CNOT6: variants seen among roughly 807,000 people sequenced by gnomAD.
The protein encoded by CNOT6 is carbon catabolite repression 4 protein.
CNOT6 carries 12 observed loss-of-function variants against 61.2 expected under a neutral mutation model. That is an observed-to-expected ratio of 0.20 (90% confidence interval 0.13 to 0.32). The LOEUF (loss-of-function observed/expected upper bound fraction) is 0.32. Ranked by LOEUF, CNOT6 falls within the 10% of genes least tolerant of loss-of-function variation. The probability of loss-of-function intolerance (pLI) is 1.00; values close to 1 mark genes in which losing one functional copy is unlikely to be tolerated. For missense variants in CNOT6, 405 were observed against 663.9 expected (o/e 0.61, Z 4.28); for synonymous variants, 225 against 240.6 (o/e 0.94, Z 0.60).
At chr5:180,537,497 G>A (rs1321169840) in intron 2 of CNOT6, among the ~76,000 whole-genome samples, 1 of 151,936 alleles carries the variant, frequency 6.6e-6, no homozygotes, top group Non-Finnish European at 1.5e-5. Flanking sequence ...TCAGTTTTAA[G>A]AGTTTTTTTT....
chr5:180,509,796 G>A (rs1757296796), intron 1 of CNOT6, among the ~76,000 whole-genome samples: 2 of 149,614 alleles, frequency 1.3e-5, no homozygotes, highest in Admixed American at 6.7e-5. Flanking sequence ...TCCTCCTACC[G>A]TGGCCTAGTA....
chr5:180,497,571 T>C lies in CNOT6; in HGVS notation c.-3+2808T>C, dbSNP rs1189292524. 4.6e-5 allele frequency among the ~76,000 whole-genome samples: 7 copies of C among 152,254 alleles called. No individual in the cohort carries two copies. In the Middle Eastern group the frequency reaches 0.01, roughly 222 times the overall value. On this transcript the variant is annotated intron_variant, in intron 1 of 11. Coordinates refer to ENST00000261951, the MANE Select transcript of CNOT6 (RefSeq NM_001370472.1). ...ATTCCCATATGCAAGGTCCACTGGC[T>C]TGGGAAGCTCTGCTTGAAAGCATTT...
intron 3 of CNOT6, among the ~76,000 whole-genome samples, chr5:180,550,323 C>T (rs1759533254): frequency 6.6e-6 from 1 of 151,978 alleles, no homozygotes; most frequent in Admixed American, 6.6e-5. Context: ...TGGTGGCGGG[C>T]ACCTGTAGTC....
At position 180,561,276 on chromosome 5, in the gene CNOT6, T is replaced by G. The variant is rs56774872; in HGVS notation, c.386-3213T>G. 3.7e-3 allele frequency among the ~76,000 whole-genome samples: 559 copies of G among 152,302 alleles called. 3 individuals carry two copies. Among genetic ancestry groups the G allele is most frequent in the African/African-American group, 0.012 (503 of 41,564 alleles). ...CTTCATTTATTTTATTTTTCAGTTCTAATATTCCCATTTGGTTTTAAATGT... is the reference window on the plus strand; with the variant it reads ...CTTCATTTATTTTATTTTTCAGTTCGAATATTCCCATTTGGTTTTAAATGT... On this transcript the variant is annotated intron_variant, in intron 4 of 11. Transcript: ENST00000261951.
rs984550622 is a variant in CNOT6 at position 180,578,323 on chromosome 5, A to G, written c.*4123A>G. On this transcript the variant is annotated 3_prime_UTR_variant, in exon 12 of 12. Coordinates refer to ENST00000261951, the MANE Select transcript of CNOT6 (RefSeq NM_001370472.1). ...TTCCGTCTTTTGGAAGGAGGTTGACATATTTTAAATAAATGCTTTTAAATA... is the reference window on the plus strand; with the variant it reads ...TTCCGTCTTTTGGAAGGAGGTTGACGTATTTTAAATAAATGCTTTTAAATA... The G allele has an allele frequency of 6.6e-6, 1 of 152,638 alleles. No individual in the cohort carries two copies. The highest frequency in any genetic ancestry group is 2.4e-5 in the African/African-American group (1 of 41,444). The allele number at this position is 152,638 out of a possible 1,614,324, so 9.5% of individuals were successfully genotyped here.
Position 180,567,837 on chromosome 5 carries a change from T to C in CNOT6, c.873-12T>C, listed in dbSNP as rs933216687. 6.2e-7 allele frequency: 1 copy of C among 1,614,040 alleles called. No homozygotes were observed. Among genetic ancestry groups the C allele is most frequent in the Non-Finnish European group, 8.5e-7 (1 of 1,179,982 alleles). On this transcript the variant is annotated splice_polypyrimidine_tract_variant and intron_variant, in intron 8 of 11. Coordinates refer to ENST00000261951, the MANE Select transcript of CNOT6 (RefSeq NM_001370472.1). ...ACTCTGTGTGTGTGTGTGTGTGTTG[T>C]TTTTGTTTTAGATTTACTTTGGTTC...
At chr5:180,566,640 CTTTTTTTTT>C (rs70973940) in intron 7 of CNOT6, among the ~76,000 whole-genome samples, 44 of 75,592 alleles carry the variant, frequency 5.8e-4, no homozygotes, top group South Asian at 1.3e-3. Context: ...AAAGATGTTA[CTTTTTTTTT>C]TTTTTTTTTT....
intron 2 of CNOT6, among the ~76,000 whole-genome samples, chr5:180,538,685 GGTATATATATAT>G (rs70973931): frequency 0.47 from 39,752 of 84,150 alleles, 6,127 homozygotes; most frequent in Middle Eastern, 0.61. Context: ...CTGAGAAAAA[GGTATATATATAT>G]ATATATATAT....
chr5:180,550,009 C>T lies in CNOT6; in HGVS notation c.191C>T (p.Ser64Phe), dbSNP rs1396496200. ...TALHLSDNSL[S>F]RIPSDIAKLH... is the part of the protein sequence containing the mutation. ...TTGCATTTGAGTGACAATTCCCTGT[C>T]CCGAATTCCTTCAGACATTGCCAAG... The change falls in exon 3 of 12, where the codon TCC becomes TTC. Residue 64 changes from serine (S) to phenylalanine (F), a missense_variant. Physicochemically the swap from Ser to Phe is radical, Grantham distance 155. Around this residue, in one of 5 missense-constraint regions of CNOT6, gnomAD observed 212 missense variants for 307.1 expected, o/e 0.69. Transcript: ENST00000261951. 1 of 1,614,074 alleles carries T rather than the reference C, an allele frequency of 6.2e-7. No individual in the cohort carries two copies. Among genetic ancestry groups the T allele is most frequent in the Non-Finnish European group, 8.5e-7 (1 of 1,179,924 alleles).
intron 6 of CNOT6, among the ~76,000 whole-genome samples, chr5:180,565,015 C>T (rs1325845123): frequency 1.3e-5 from 2 of 152,182 alleles, no homozygotes; most frequent in Admixed American, 6.5e-5. Flanking sequence ...TTTTGATGGT[C>T]GTAACTGGGG....
In CNOT6 at chr5:180,574,425, C is replaced by G. The variant is rs1450140404; in HGVS notation, c.*225C>G. 1.8e-6 allele frequency: 1 copy of G among 569,964 alleles called. No homozygotes were observed. Among genetic ancestry groups the G allele is most frequent in the Non-Finnish European group, 3.1e-6 (1 of 319,368 alleles). 35.3% of individuals were successfully genotyped at this position (569,964 alleles called of 1,614,324 possible). ...CTAGACAGGGATTGGTGTGTTTGCA[C>G]CTGTCTTTCATTTGTCATAAGAGAT... On this transcript the variant is annotated 3_prime_UTR_variant, in exon 12 of 12. Coordinates refer to ENST00000261951, the MANE Select transcript of CNOT6 (RefSeq NM_001370472.1).
chr5:180,520,026 G>A (rs1454864125), intron 1 of CNOT6, among the ~76,000 whole-genome samples: 1 of 151,828 alleles, frequency 6.6e-6, no homozygotes. Context: ...TAGAGACAAG[G>A]TTTCACCATG....
intron 1 of CNOT6, among the ~76,000 whole-genome samples, chr5:180,496,708 G>A (rs1756629291): frequency 6.6e-6 from 1 of 152,178 alleles, no homozygotes; most frequent in South Asian, 2.1e-4. Flanking sequence ...TCACAACGTA[G>A]TGAGACCTTG....
chr5:180,561,385 T>TGTGC (rs1760179747), intron 4 of CNOT6, among the ~76,000 whole-genome samples: 2 of 151,922 alleles, frequency 1.3e-5, no homozygotes, highest in Non-Finnish European at 2.9e-5. Flanking sequence ...TGTGTGTGTG[T>TGTGC]GTGTGTGTTT....
chr5:180,520,096 C>T (rs1051340809), intron 1 of CNOT6, among the ~76,000 whole-genome samples: 7 of 152,032 alleles, frequency 4.6e-5, no homozygotes, highest in East Asian at 1.9e-4. Flanking sequence ...TGCCTGCCAA[C>T]GTGCTGGGAT....
intron 2 of CNOT6, among the ~76,000 whole-genome samples, chr5:180,543,744 A>T (rs927765847): frequency 3.3e-5 from 5 of 151,994 alleles, no homozygotes; most frequent in African/African-American, 9.7e-5. Flanking sequence ...TCAATATTGG[A>T]TATTAGTCTT....
At chr5:180,520,279 T>A (rs1757824050) in intron 1 of CNOT6, among the ~76,000 whole-genome samples, 1 of 152,168 alleles carries the variant, frequency 6.6e-6, no homozygotes. Flanking sequence ...AGTTTTTAGA[T>A]GAACATCTGG....
In CNOT6 at chr5:180,541,440, A is replaced by ATTTTTTTTTTTTTTTTTTTTTTTTTTT. The variant is rs1176286473; in HGVS notation, c.113-8491_113-8490insTTTTTTTTTTTTTTTTTTTTTTTTTTT. Among the ~76,000 whole-genome samples the ATTTTTTTTTTTTTTTTTTTTTTTTTTT allele has an allele frequency of 3.9e-5, 4 of 102,928 alleles. 1 individual carries two copies. The highest frequency in any genetic ancestry group is 2.0e-5 in the Non-Finnish European group (1 of 50,970). The allele number at this position is 102,928 out of a possible 152,430, so 67.5% of individuals were successfully genotyped here. A position where few individuals can be genotyped will look rare whatever the true frequency, so the allele number is the denominator to read the frequency against. ...CATGAACCACCACAACTGGCCAAGA[A>ATTTTTTTTTTTTTTTTTTTTTTTTTTT]ATTTTTTTTTTTTTTTTTTTTTTTT... On this transcript the variant is annotated intron_variant, in intron 2 of 11. Coordinates refer to ENST00000261951, the MANE Select transcript of CNOT6 (RefSeq NM_001370472.1).
intron 1 of CNOT6, among the ~76,000 whole-genome samples, chr5:180,505,449 G>A (rs960864121): frequency 6.7e-6 from 1 of 148,890 alleles, no homozygotes; most frequent in Non-Finnish European, 1.5e-5. Context: ...AGTAGAGACG[G>A]GGTTTCACTG....
Sources: allele counts gnomAD v4.1 joint callset (sites outside exome capture counted in the v4.1 genomes callset), GRCh38; gene constraint gnomAD v4.1.1; regional missense constraint gnomAD v4.1.1; transcripts MANE v1.5; gene names NCBI Gene and HGNC (gene_info 2026-07-23, HGNC 2026-07-21).